Variants in PPP4R2 observed in about 807,000 individuals in gnomAD.
PPP4R2 encodes serine/threonine-protein phosphatase 4 regulatory subunit 2.
PPP4R2 carries 13 observed loss-of-function variants against 47.2 expected under a neutral mutation model. The ratio of observed to expected loss-of-function variants is 0.28; its 90% confidence interval spans 0.18 to 0.44. The LOEUF (loss-of-function observed/expected upper bound fraction) is 0.44. Among genes scored for constraint, PPP4R2 ranks in the 20% least tolerant of loss-of-function variants. The pLI is 1.00. For synonymous variants in PPP4R2, 151 were observed against 163.3 expected, an observed-to-expected ratio of 0.92 and a Z score of 0.57; for missense variants, 421 against 491.2, an observed-to-expected ratio of 0.86 and a Z score of 1.35.
intron 2 of PPP4R2, among the ~76,000 whole-genome samples, chr3:73,011,396 G>T (rs1211113237): frequency 1.3e-5 from 2 of 152,128 alleles, no homozygotes; most frequent in Non-Finnish European, 2.9e-5. Context: ...CAGGAGAATC[G>T]CTGGAACGCG....
intron 3 of PPP4R2, among the ~76,000 whole-genome samples, chr3:73,055,207 T>G (rs976288127): frequency 2.0e-5 from 3 of 152,190 alleles, no homozygotes; most frequent in African/African-American, 2.4e-5. Context: ...GTAGATGGAA[T>G]GATGACAATA....
chr3:73,046,149 G>C (rs989581447), intron 2 of PPP4R2, among the ~76,000 whole-genome samples: 1 of 152,134 alleles, frequency 6.6e-6, no homozygotes, highest in African/African-American at 2.4e-5. Flanking sequence ...CCTGACTCTT[G>C]CTACATGGAT....
chr3:73,023,068 G>A (rs1265823158), intron 2 of PPP4R2, among the ~76,000 whole-genome samples: 1 of 152,068 alleles, frequency 6.6e-6, no homozygotes, highest in African/African-American at 2.4e-5. Context: ...GGGTAAAATT[G>A]CATCCTTACT....
intron 2 of PPP4R2, among the ~76,000 whole-genome samples, chr3:73,037,890 T>C (rs183250559): frequency 3.9e-5 from 6 of 152,312 alleles, no homozygotes; most frequent in African/African-American, 1.4e-4. Flanking sequence ...TCCAAATGAA[T>C]TTTGTTTTAT....
At chr3:73,044,200 C>G (rs115495718) in intron 2 of PPP4R2, among the ~76,000 whole-genome samples, 16 of 149,644 alleles carry the variant, frequency 1.1e-4, no homozygotes, top group African/African-American at 4.0e-4. Context: ...ATTCCTGAAT[C>G]ATAGGGTGGT....
chr3:72,999,282 G>A (rs1262504269), intron 2 of PPP4R2, among the ~76,000 whole-genome samples: 1 of 152,124 alleles, frequency 6.6e-6, no homozygotes, highest in Non-Finnish European at 1.5e-5. Flanking sequence ...CTTCGCATTA[G>A]GGTTTCATAT....
intron 3 of PPP4R2, among the ~76,000 whole-genome samples, chr3:73,054,035 A>G (rs1702677175): frequency 6.6e-6 from 1 of 152,044 alleles, no homozygotes. Flanking sequence ...TCCTGCCTCA[A>G]GCACCTGAGT....
At chr3:73,016,393 A>T (rs1436540331) in intron 2 of PPP4R2, among the ~76,000 whole-genome samples, 1 of 152,262 alleles carries the variant, frequency 6.6e-6, no homozygotes, top group East Asian at 1.9e-4. Context: ...GAGGGCAGGG[A>T]TGCCTCCAAA....
At chr3:73,038,340 T>A (rs1439452317) in intron 2 of PPP4R2, among the ~76,000 whole-genome samples, 1 of 152,184 alleles carries the variant, frequency 6.6e-6, no homozygotes, top group African/African-American at 2.4e-5. Flanking sequence ...TATGTTGGTA[T>A]AGTAATAGAT....
chr3:72,996,937 G>A lies in PPP4R2; in HGVS notation c.-101G>A. 1 of 929,688 alleles carries A rather than the reference G, an allele frequency of 1.1e-6. No homozygotes were observed. Among genetic ancestry groups the A allele is most frequent in the Non-Finnish European group, 1.5e-6 (1 of 684,254 alleles). The allele number at this position is 929,688 out of a possible 1,614,324, so 57.6% of individuals were successfully genotyped here. On this transcript the variant is annotated 5_prime_UTR_variant, in exon 1 of 9. The change creates a new upstream start codon in the 5' untranslated region. Coordinates refer to ENST00000356692, the MANE Select transcript of PPP4R2 (RefSeq NM_174907.4). ...CCCGGTCGCCTGCGTGCCGGAGTGT[G>A]TGCGAGGGAGGGGGAGGGCGTCGGG...
intron 2 of PPP4R2, among the ~76,000 whole-genome samples, chr3:73,004,198 CCCCCTTTTTATTT>C (rs944443182): frequency 2.7e-5 from 4 of 149,828 alleles, no homozygotes; most frequent in African/African-American, 9.8e-5. Context: ...TTTTTTTTGC[CCCCCTTTTTATTT>C]CCCCTTTTTG....
At chr3:73,052,315 A>G (rs1225876817) in intron 3 of PPP4R2, among the ~76,000 whole-genome samples, 1 of 147,830 alleles carries the variant, frequency 6.8e-6, no homozygotes, top group African/African-American at 2.5e-5. Context: ...TAGAAGATGG[A>G]TTATAACTAC....
chr3:73,062,820 C>G (rs766687149), intron 5 of PPP4R2: 1 of 1,613,910 alleles, frequency 6.2e-7, no homozygotes. Context: ...CAGCTCAAGA[C>G]CATGGGTTGG....
chr3:73,050,099 C>T (rs1159037250), intron 3 of PPP4R2, among the ~76,000 whole-genome samples: 2 of 151,888 alleles, frequency 1.3e-5, no homozygotes, highest in Non-Finnish European at 2.9e-5. Context: ...ATCACCACAC[C>T]CAGCTATGTT....
intron 6 of PPP4R2, 101 bp downstream of exon 6, chr3:73,063,848 A>G: frequency 9.0e-7 from 1 of 1,107,166 alleles, no homozygotes; most frequent in South Asian, 1.4e-5. Context: ...TATGGACACC[A>G]TAGGATGAAC....
intron 2 of PPP4R2, among the ~76,000 whole-genome samples, chr3:73,021,486 C>T (rs1701958511): frequency 6.6e-6 from 1 of 152,080 alleles, no homozygotes; most frequent in Non-Finnish European, 1.5e-5. Flanking sequence ...TTCCTCCCAC[C>T]TCTGACTCCA....
chr3:73,001,894 T>C (rs1228599465), intron 2 of PPP4R2, among the ~76,000 whole-genome samples: 1 of 152,232 alleles, frequency 6.6e-6, no homozygotes, highest in Non-Finnish European at 1.5e-5. Flanking sequence ...CCCAAACTGC[T>C]GGGATTACAG....
At position 73,062,713 on chromosome 3, in the gene PPP4R2, G is replaced by A. The variant is rs756400484; in HGVS notation, c.420-960G>A. ...ACCAGCAGTCTCCAAGTTCAGAGACGATTCAAGGCAATGATGGCATCTATT... is the reference window on the plus strand; with the variant it reads ...ACCAGCAGTCTCCAAGTTCAGAGACAATTCAAGGCAATGATGGCATCTATT... On this transcript the variant is annotated intron_variant, in intron 5 of 8. Transcript: ENST00000356692. The A allele has an allele frequency of 8.1e-6, 13 of 1,613,968 alleles. No individual in the cohort carries two copies. Among genetic ancestry groups the A allele is most frequent in the Non-Finnish European group, 1.1e-5 (13 of 1,179,888 alleles).
chr3:73,015,639 C>CTT (rs1357650265), intron 2 of PPP4R2, among the ~76,000 whole-genome samples: 74 of 139,022 alleles, frequency 5.3e-4, no homozygotes, highest in Non-Finnish European at 8.8e-4. Context: ...CCATGCCCAG[C>CTT]TTTTTTTTTT....
Sources: gnomAD v4.1 joint callset for allele counts (sites outside exome capture counted in the v4.1 genomes callset) on GRCh38, gnomAD v4.1.1 for gene constraint, MANE v1.5 for transcripts, NCBI Gene and HGNC (gene_info 2026-07-23, HGNC 2026-07-21) for gene names.